GCNT2: variants seen among roughly 807,000 people sequenced by gnomAD.
GCNT2 encodes the protein glucosaminyl (N-acetyl) transferase 2 (I blood group), also known as N-acetyllactosaminide beta-1,6-N-acetylglucosaminyl-transferase.
A neutral mutation model predicts 34.2 loss-of-function variants in GCNT2; 34 were observed. The ratio of observed to expected loss-of-function variants is 1.00; its 90% confidence interval spans 0.76 to 1.32. The LOEUF (loss-of-function observed/expected upper bound fraction) is 1.32. Ranked by LOEUF, GCNT2 falls within the 40% of genes most tolerant of loss-of-function variation. The probability of loss-of-function intolerance (pLI) is 0.00; values close to 1 mark genes in which losing one functional copy is unlikely to be tolerated. For synonymous variants in GCNT2, 212 were observed against 188.0 expected, an observed-to-expected ratio of 1.13 and a Z score of -1.04; for missense variants, 584 against 489.4, an observed-to-expected ratio of 1.19 and a Z score of -1.82.
At chr6:10,555,898 C>T in intron 3 of GCNT2, 1 of 1,000,910 alleles carries the variant, frequency 1.0e-6, no homozygotes, top group Non-Finnish European at 1.2e-6. Flanking sequence ...AGAGGCCAGG[C>T]TGTGGATCCT....
chr6:10,598,991 C>G (rs1007985699), intron 3 of GCNT2, among the ~76,000 whole-genome samples: 5 of 152,118 alleles, frequency 3.3e-5, no homozygotes, highest in Non-Finnish European at 7.3e-5. Context: ...TTTATTCCAC[C>G]CAATTGCCCT....
At chr6:10,535,385 T>G (rs771337225) in intron 3 of GCNT2, among the ~76,000 whole-genome samples, 1 of 152,164 alleles carries the variant, frequency 6.6e-6, no homozygotes, top group Non-Finnish European at 1.5e-5. Context: ...TGCCCTCCCT[T>G]TTTCCTCTCC....
intron 3 of GCNT2, among the ~76,000 whole-genome samples, chr6:10,554,504 A>T (rs1762608489): frequency 1.3e-5 from 2 of 152,088 alleles, no homozygotes; most frequent in African/African-American, 2.4e-5. Flanking sequence ...ATGTAAACAG[A>T]CTCTGTTGCC....
At chr6:10,559,402 T>C (rs1041970634) in intron 3 of GCNT2, among the ~76,000 whole-genome samples, 1 of 152,236 alleles carries the variant, frequency 6.6e-6, no homozygotes, top group Non-Finnish European at 1.5e-5. Context: ...CATGGCATGC[T>C]GGCTTCTGCC....
chr6:10,617,659 C>G (rs1765841057), intron 3 of GCNT2, among the ~76,000 whole-genome samples: 1 of 152,108 alleles, frequency 6.6e-6, no homozygotes, highest in Non-Finnish European at 1.5e-5. Context: ...GATGGAGTTG[C>G]TCTGGTTCAC....
rs762221929 is a variant in GCNT2 at position 10,529,642 on chromosome 6, T to A, written c.731T>A (p.Val244Glu). Residue 244 changes from valine to glutamate, a missense_variant, in exon 3 of 5, where the codon GTG (valine) becomes GAG (glutamate). Coordinates refer to ENST00000495262, the MANE Select transcript of GCNT2 (RefSeq NM_145649.5). ...CTGTTAAACCACAAAAATTCCTACG[T>A]GATTAAAACAACAAAATTAAAAACT... Reference protein sequence around the residue: ...QELLNHKNSYVIKTTKLKTPP... With the variant: ...QELLNHKNSYEIKTTKLKTPP... 6.8e-6 allele frequency: 11 copies of A among 1,613,646 alleles called. No homozygotes were observed. The highest frequency in any genetic ancestry group is 1.1e-5 in the South Asian group (1 of 91,048).
intron 4 of GCNT2, among the ~76,000 whole-genome samples, chr6:10,625,277 CT>C (rs1307821542): frequency 1.3e-5 from 2 of 152,168 alleles, no homozygotes; most frequent in Non-Finnish European, 2.9e-5. Context: ...CAAAATTAAT[CT>C]TGCTAAAATG....
chr6:10,571,107 CAG>C (rs1763535182), intron 3 of GCNT2, among the ~76,000 whole-genome samples: 1 of 152,104 alleles, frequency 6.6e-6, no homozygotes, highest in African/African-American at 2.4e-5. Context: ...GATTGTGAGC[CAG>C]AGAGATCAAG....
At chr6:10,573,685 G>A (rs1179996720) in intron 3 of GCNT2, among the ~76,000 whole-genome samples, 1 of 152,200 alleles carries the variant, frequency 6.6e-6, no homozygotes, top group Non-Finnish European at 1.5e-5. Context: ...CAACTGAAAA[G>A]CAGTGGTCTT....
At chr6:10,579,826 C>CAAAAA (rs61490868) in intron 3 of GCNT2, among the ~76,000 whole-genome samples, 2,621 of 88,480 alleles carry the variant, frequency 0.03, 2 homozygotes, top group Non-Finnish European at 0.038. Flanking sequence ...AAAAAACAAA[C>CAAAAA]AAAAAAAAAA....
chr6:10,550,795 A>G (rs1229645438), intron 3 of GCNT2, among the ~76,000 whole-genome samples: 1 of 152,188 alleles, frequency 6.6e-6, no homozygotes, highest in Admixed American at 6.5e-5. Context: ...AATGTAAATT[A>G]TTAAACTCAC....
chr6:10,544,649 A>G (rs1189918229), intron 3 of GCNT2, among the ~76,000 whole-genome samples: 7 of 151,564 alleles, frequency 4.6e-5, no homozygotes, highest in Non-Finnish European at 7.4e-5. Flanking sequence ...TAAATAAATA[A>G]ATAAATAAAT....
intron 3 of GCNT2, among the ~76,000 whole-genome samples, chr6:10,558,239 G>A (rs1396767606): frequency 2.0e-5 from 3 of 152,130 alleles, no homozygotes; most frequent in Non-Finnish European, 4.4e-5. Flanking sequence ...CTGCTCCTCA[G>A]TGCTTAGAAC....
At chr6:10,525,423 G>A (rs1311569571) in intron 1 of GCNT2, among the ~76,000 whole-genome samples, 3 of 152,026 alleles carry the variant, frequency 2.0e-5, no homozygotes, top group Non-Finnish European at 4.4e-5. Flanking sequence ...GAACAATCTC[G>A]CGTCCTTTTG....
chr6:10,621,367 G>A lies in GCNT2; in HGVS notation c.942G>A (p.Met314Ile), dbSNP rs1276795534. 1.2e-6 allele frequency: 2 copies of A among 1,611,598 alleles called. No homozygotes were observed. Among genetic ancestry groups the A allele is most frequent in the South Asian group, 2.2e-5 (2 of 90,958 alleles). Residue 314 changes from methionine to isoleucine, a missense_variant, in exon 4 of 5, where the codon ATG (methionine) becomes ATA (isoleucine). Met to Ile is a conservative substitution (Grantham distance 10, BLOSUM62 1). Transcript: ENST00000495262. Reference protein sequence around the residue: ...LNRIPGVPGSMPNASWTGNLR... With the variant: ...LNRIPGVPGSIPNASWTGNLR... ...ACATTGCAGGTGTTCCTGGCTCTAT[G>A]CCAAATGCATCCTGGACTGGAAACC...
chr6:10,536,217 C>T (rs1761743360), intron 3 of GCNT2, among the ~76,000 whole-genome samples: 1 of 152,138 alleles, frequency 6.6e-6, no homozygotes, highest in African/African-American at 2.4e-5. Flanking sequence ...TTCCCCAAAC[C>T]AATCGAGCAC....
intron 3 of GCNT2, among the ~76,000 whole-genome samples, chr6:10,553,722 C>T (rs1469793929): frequency 1.3e-5 from 2 of 152,176 alleles, no homozygotes; most frequent in African/African-American, 2.4e-5. Context: ...GGCGAAATCC[C>T]GTCTCTTCTA....
chr6:10,592,560 T>C (rs755957455), intron 3 of GCNT2, among the ~76,000 whole-genome samples: 1 of 152,210 alleles, frequency 6.6e-6, no homozygotes, highest in Non-Finnish European at 1.5e-5. Flanking sequence ...ATGCTGACGC[T>C]ATAGCCATTT....
At chr6:10,575,922 A>C (rs1022249041) in intron 3 of GCNT2, among the ~76,000 whole-genome samples, 10 of 149,024 alleles carry the variant, frequency 6.7e-5, no homozygotes, top group Non-Finnish European at 1.3e-4. Flanking sequence ...CCCAAATCTT[A>C]TAAAACGGCC....
Sources: gnomAD v4.1 joint callset for allele counts (sites outside exome capture counted in the v4.1 genomes callset) on GRCh38, gnomAD v4.1.1 for gene constraint, MANE v1.5 for transcripts, NCBI Gene and HGNC (gene_info 2026-07-23, HGNC 2026-07-21) for gene names.